Variants in PRICKLE1 observed in about 807,000 individuals in gnomAD.
PRICKLE1 encodes prickle-like protein 1.
A neutral mutation model predicts 70.2 loss-of-function variants in PRICKLE1; 14 were observed. The ratio of observed to expected loss-of-function variants is 0.20; its 90% CI spans 0.13 to 0.31. The LOEUF is 0.31. PRICKLE1 is among the 10% of genes least tolerant of loss of function. PRICKLE1 has a pLI of 1.00. For synonymous variants in PRICKLE1, 357 were observed against 379.9 expected, an observed-to-expected ratio of 0.94 and a Z score of 0.70; for missense variants, 821 against 1,026.2, an observed-to-expected ratio of 0.80 and a Z score of 2.73.
intron 1 of PRICKLE1, among the ~76,000 whole-genome samples, chr12:42,570,109 G>A (rs965041909): frequency 2.0e-5 from 3 of 152,216 alleles, no homozygotes; most frequent in Admixed American, 6.5e-5. Flanking sequence ...ACACCTGAGC[G>A]GTTATGACCG....
In PRICKLE1 at chr12:42,459,358, G is replaced by GTTA. The variant is rs1937704854; in HGVS notation, c.*448_*450dup. ...CTGGCCTCACAATAAGATGCACAGTGTTAGCTAGGTCATCGTGACAGGCAT... is the reference window on the plus strand; with the variant it reads ...CTGGCCTCACAATAAGATGCACAGTGTTATTAGCTAGGTCATCGTGACAGGCAT... On this transcript the variant is annotated 3_prime_UTR_variant, in exon 8 of 8. Coordinates refer to ENST00000345127, the MANE Select transcript of PRICKLE1 (RefSeq NM_153026.3). 2 of 702,214 alleles carry GTTA rather than the reference G, an allele frequency of 2.8e-6. No individual in the cohort carries two copies. The highest frequency in any genetic ancestry group is 5.2e-6 in the Non-Finnish European group (2 of 384,972). The allele number at this position is 702,214 out of a possible 1,614,324, so 43.5% of individuals were successfully genotyped here.
intron 1 of PRICKLE1, among the ~76,000 whole-genome samples, chr12:42,584,058 G>C (rs1477191746): frequency 2.6e-5 from 4 of 152,048 alleles, no homozygotes; most frequent in Admixed American, 6.6e-5. Context: ...TCTAAAAAGG[G>C]TTCAGTGTTC....
At chr12:42,492,914 C>T (rs1939130509) in intron 1 of PRICKLE1, among the ~76,000 whole-genome samples, 1 of 152,150 alleles carries the variant, frequency 6.6e-6, no homozygotes, top group Admixed American at 6.5e-5. Flanking sequence ...TACCTGGCAT[C>T]TAGGGGATTC....
chr12:42,459,975 T>C lies in PRICKLE1; in HGVS notation c.2330A>G (p.Tyr777Cys), dbSNP rs768039518. ...TTGAGGGATTGGTTGTCCAAGAAAA[T>C]ATCCTTCTTCTTCCGAGTCGGAAGA... Reference protein sequence around the residue: ...SSSSDSEEEGYFLGQPIPQPR... With the variant: ...SSSSDSEEEGCFLGQPIPQPR... Residue 777 changes from tyrosine to cysteine, a missense_variant, in exon 8 of 8, where the codon TAT becomes TGT. Transcript: ENST00000345127. 2.3e-5 allele frequency: 37 copies of C among 1,614,040 alleles called. No individual in the cohort carries two copies. Among genetic ancestry groups the C allele is most frequent in the Non-Finnish European group, 3.1e-5 (36 of 1,180,034 alleles).
intron 1 of PRICKLE1, among the ~76,000 whole-genome samples, chr12:42,564,491 C>T (rs554050302): frequency 6.6e-6 from 1 of 151,944 alleles, no homozygotes; most frequent in African/African-American, 2.4e-5. Context: ...ACCTGTAATC[C>T]CAGCTACTCA....
intron 1 of PRICKLE1, among the ~76,000 whole-genome samples, chr12:42,498,954 T>C (rs983305999): frequency 6.6e-6 from 1 of 152,200 alleles, no homozygotes; most frequent in Non-Finnish European, 1.5e-5. Flanking sequence ...GCTCCAGAAC[T>C]CTCCATCAGT....
intron 1 of PRICKLE1, among the ~76,000 whole-genome samples, chr12:42,559,902 TGC>T (rs1410122253): frequency 8.6e-5 from 13 of 151,808 alleles, no homozygotes; most frequent in Admixed American, 5.9e-4. Context: ...TTGGAGCCTG[TGC>T]TGAAGGGTTT....
At chr12:42,558,547 C>T (rs1328985230) in intron 1 of PRICKLE1, among the ~76,000 whole-genome samples, 1 of 152,230 alleles carries the variant, frequency 6.6e-6, no homozygotes, top group Non-Finnish European at 1.5e-5. Flanking sequence ...TCCAACAGGA[C>T]CCTGCTTGCC....
chr12:42,534,323 G>C (rs73277834), intron 1 of PRICKLE1, among the ~76,000 whole-genome samples: 4,620 of 152,222 alleles, frequency 0.03, 235 homozygotes, highest in African/African-American at 0.11. Context: ...GCGGGTACTG[G>C]TCCAGGGTGG....
At chr12:42,583,737 T>C (rs1183550154) in intron 1 of PRICKLE1, among the ~76,000 whole-genome samples, 1 of 152,236 alleles carries the variant, frequency 6.6e-6, no homozygotes, top group African/African-American at 2.4e-5. Context: ...ATGTTGGCAT[T>C]TATGCAAGTC....
At position 42,477,402 on chromosome 12, in the gene PRICKLE1, T is replaced by TATAC. The variant is rs556294893; in HGVS notation, c.-48-4839_-48-4838insGTAT. ...CAAAACAAAACAAAATATATATATA[T>TATAC]ACACATATTATATATATGTATATAC... On this transcript the variant is annotated intron_variant, in intron 1 of 7. Transcript: ENST00000345127. Among the ~76,000 whole-genome samples, 618 of 148,496 alleles carry TATAC rather than the reference T, an allele frequency of 4.2e-3. 11 individuals are homozygous for TATAC. Among genetic ancestry groups the TATAC allele is most frequent in the African/African-American group, 0.014 (581 of 40,568 alleles).
chr12:42,551,986 T>G (rs1405782122), intron 1 of PRICKLE1, among the ~76,000 whole-genome samples: 4 of 152,266 alleles, frequency 2.6e-5, no homozygotes, highest in Non-Finnish European at 2.9e-5. Context: ...GAAGGTGGAT[T>G]TTGTCAAGTA....
At chr12:42,532,890 G>A (rs1851830326) in intron 1 of PRICKLE1, among the ~76,000 whole-genome samples, 2 of 67,792 alleles carry the variant, frequency 3.0e-5, no homozygotes, top group South Asian at 1.3e-3. Flanking sequence ...GTGAGACTCC[G>A]TCTCAAAAAA....
intron 1 of PRICKLE1, among the ~76,000 whole-genome samples, chr12:42,500,704 G>GA (rs908729523): frequency 2.8e-5 from 4 of 141,304 alleles, no homozygotes; most frequent in Non-Finnish European, 6.1e-5. Context: ...TTCAACAAAT[G>GA]AAAAAAAAGC....
intron 1 of PRICKLE1, among the ~76,000 whole-genome samples, chr12:42,555,755 C>T (rs1278894389): frequency 6.6e-6 from 1 of 152,068 alleles, no homozygotes; most frequent in Non-Finnish European, 1.5e-5. Flanking sequence ...TAAAAAATAG[C>T]TGTTAAAAAA....
At chr12:42,567,358 T>A (rs891646357) in intron 1 of PRICKLE1, among the ~76,000 whole-genome samples, 7 of 152,260 alleles carry the variant, frequency 4.6e-5, no homozygotes, top group African/African-American at 1.7e-4. Flanking sequence ...TACAGTCTGC[T>A]ATAGAAATTT....
chr12:42,532,112 C>T (rs1211988182), intron 1 of PRICKLE1, among the ~76,000 whole-genome samples: 1 of 152,166 alleles, frequency 6.6e-6, no homozygotes, highest in Non-Finnish European at 1.5e-5. Context: ...CTGCAGTGAG[C>T]CATAACTGTG....
chr12:42,475,697 T>C (rs968674899), intron 1 of PRICKLE1, among the ~76,000 whole-genome samples: 2 of 152,200 alleles, frequency 1.3e-5, no homozygotes, highest in Non-Finnish European at 2.9e-5. Flanking sequence ...GTTCAGAGTT[T>C]ATTCACTGAC....
Position 42,459,929 on chromosome 12 carries a change from G to C in PRICKLE1, c.2376C>G (p.Ala792=). The part of the protein sequence containing the change: ...PIPQPRPQRF[A]YYTDDLSSPP... ...GACTAGAAAGGTCATCTGTATAGTA[G>C]GCAAATCTCTGTGGCCGGGGTTGAG... Residue 792 remains alanine, a synonymous_variant, in exon 8 of 8, where the codon GCC becomes GCG. Coordinates refer to ENST00000345127, the MANE Select transcript of PRICKLE1 (RefSeq NM_153026.3). 6.2e-7 allele frequency: 1 copy of C among 1,614,116 alleles called. No homozygotes were observed. Among genetic ancestry groups the C allele is most frequent in the Non-Finnish European group, 8.5e-7 (1 of 1,180,032 alleles).
Sources: gnomAD v4.1 joint callset for allele counts (sites outside exome capture counted in the v4.1 genomes callset) on GRCh38, gnomAD v4.1.1 for gene constraint, MANE v1.5 for transcripts, NCBI Gene and HGNC (gene_info 2026-07-23, HGNC 2026-07-21) for gene names.